The following ZNF385D variants were observed in gnomAD, a reference collection of about 807,000 sequenced individuals.
The protein encoded by ZNF385D is zinc finger protein 659.
In ZNF385D, 15 loss-of-function variants were observed where a neutral mutation model predicts 35.8. The observed-to-expected ratio is 0.42, with a 90% CI of 0.28 to 0.64. The LOEUF (loss-of-function observed/expected upper bound fraction) is 0.64, where lower values mean the gene tolerates loss of function less well. Ranked by LOEUF, ZNF385D falls within the 30% of genes least tolerant of loss-of-function variation. ZNF385D has a pLI of 0.23. For missense variants in ZNF385D, 474 were observed against 494.6 expected, an observed-to-expected ratio of 0.96 and a Z score of 0.39; for synonymous variants, 212 against 186.8, an observed-to-expected ratio of 1.13 and a Z score of -1.10.
chr3:22,061,728 T>C (rs1014557644), intron 3 of ZNF385D, among the ~76,000 whole-genome samples: 10 of 152,296 alleles, frequency 6.6e-5, no homozygotes, highest in African/African-American at 2.2e-4. Flanking sequence ...AAATATGTCT[T>C]TCCTTCCTCT....
chr3:22,027,466 T>A (rs1202263906), intron 3 of ZNF385D, among the ~76,000 whole-genome samples: 1 of 152,178 alleles, frequency 6.6e-6, no homozygotes, highest in Non-Finnish European at 1.5e-5. Context: ...TCCCCATTGA[T>A]GAATCACAGT....
intron 4 of ZNF385D, among the ~76,000 whole-genome samples, chr3:21,499,905 G>T (rs891880785): frequency 6.6e-6 from 1 of 152,148 alleles, no homozygotes; most frequent in Non-Finnish European, 1.5e-5. Flanking sequence ...CTACCCATGG[G>T]ATTAATATGC....
intron 2 of ZNF385D, among the ~76,000 whole-genome samples, chr3:22,310,959 T>TA (rs1703507473): frequency 6.6e-6 from 1 of 151,952 alleles, no homozygotes; most frequent in South Asian, 2.1e-4. Context: ...TATAAGTCAT[T>TA]AAATTTTATG....
intron 1 of ZNF385D, among the ~76,000 whole-genome samples, chr3:21,728,591 C>T (rs1460864513): frequency 6.6e-6 from 1 of 152,124 alleles, no homozygotes; most frequent in Non-Finnish European, 1.5e-5. Flanking sequence ...CTACAGTATA[C>T]ATCAGTTGCT....
Position 21,746,161 on chromosome 3 carries a change from A to T in ZNF385D, c.22+4734T>A, listed in dbSNP as rs13078866. 7.4e-3 allele frequency among the ~76,000 whole-genome samples: 1,126 copies of T among 152,316 alleles called. 4 individuals carry two copies. Among genetic ancestry groups the T allele is most frequent in the South Asian group, 0.018 (85 of 4,828 alleles). ...TCCGGAATGGAAGTCAGAAACCACT[A>T]ATTTAAATTTGTCATTTGTTTTTTG... On this transcript the variant is annotated intron_variant, in intron 1 of 7. Transcript: ENST00000281523.
chr3:22,107,532 A>G (rs966713998), intron 3 of ZNF385D, among the ~76,000 whole-genome samples: 1 of 152,156 alleles, frequency 6.6e-6, no homozygotes, highest in Non-Finnish European at 1.5e-5. Flanking sequence ...AAGACTTTAT[A>G]TGCAAGTAGG....
chr3:21,570,007 C>A (rs913940007), intron 2 of ZNF385D, among the ~76,000 whole-genome samples: 2 of 150,610 alleles, frequency 1.3e-5, no homozygotes, highest in South Asian at 4.2e-4. Flanking sequence ...TGTATACATA[C>A]GTAACTAACC....
At chr3:21,631,033 T>C (rs192868730) in intron 2 of ZNF385D, among the ~76,000 whole-genome samples, 3 of 152,274 alleles carry the variant, frequency 2.0e-5, no homozygotes, top group Admixed American at 2.0e-4. Flanking sequence ...TATGAGGGAA[T>C]GTTCTAAAAG....
intron 2 of ZNF385D, among the ~76,000 whole-genome samples, chr3:21,587,727 A>G (rs1410990395): frequency 6.6e-6 from 1 of 151,144 alleles, no homozygotes; most frequent in African/African-American, 2.5e-5. Context: ...TATGTAACAG[A>G]CTTTGAGTAA....
intron 2 of ZNF385D, among the ~76,000 whole-genome samples, chr3:22,219,731 C>A (rs1698137482): frequency 6.6e-6 from 1 of 152,028 alleles, no homozygotes; most frequent in African/African-American, 2.4e-5. Context: ...ATTTCTAATT[C>A]AAATATGTGA....
At chr3:21,827,421 C>T (rs1032446296) in intron 3 of ZNF385D, among the ~76,000 whole-genome samples, 3 of 152,120 alleles carry the variant, frequency 2.0e-5, no homozygotes, top group African/African-American at 7.2e-5. Flanking sequence ...TCTTAGCATC[C>T]TGACTCAAAG....
At chr3:21,638,397 G>T (rs1337845689) in intron 2 of ZNF385D, among the ~76,000 whole-genome samples, 3 of 152,032 alleles carry the variant, frequency 2.0e-5, no homozygotes, top group Non-Finnish European at 4.4e-5. Context: ...TTGGGAAGGT[G>T]TGCAACAAGC....
intron 3 of ZNF385D, among the ~76,000 whole-genome samples, chr3:22,144,572 CAAAAAAAAAA>C (rs10536394): frequency 4.4e-5 from 3 of 67,546 alleles, no homozygotes; most frequent in African/African-American, 1.2e-4. Flanking sequence ...GACTCCATTT[CAAAAAAAAAA>C]AAAAAAAAAA....
At chr3:22,338,157 A>G (rs1695255491) in intron 2 of ZNF385D, among the ~76,000 whole-genome samples, 1 of 152,200 alleles carries the variant, frequency 6.6e-6, no homozygotes, top group Admixed American at 6.5e-5. Flanking sequence ...GGTGACTATT[A>G]ATAGTAAAGA....
chr3:21,867,518 G>C (rs1697434265), intron 3 of ZNF385D, among the ~76,000 whole-genome samples: 1 of 152,092 alleles, frequency 6.6e-6, no homozygotes. Flanking sequence ...CAGTAATCAT[G>C]AAAATCATCT....
intron 2 of ZNF385D, among the ~76,000 whole-genome samples, chr3:22,267,638 AT>A (rs1162582269): frequency 5.3e-5 from 8 of 151,930 alleles, no homozygotes; most frequent in African/African-American, 1.9e-4. Context: ...CATTATTTTA[AT>A]TTTACCTACA....
intron 2 of ZNF385D, among the ~76,000 whole-genome samples, chr3:21,657,126 C>T (rs764026586): frequency 3.3e-5 from 5 of 151,712 alleles, no homozygotes; most frequent in Admixed American, 6.6e-5. Context: ...AATTAACATA[C>T]GCATAAATCA....
At chr3:21,572,955 T>G (rs1308024228) in intron 2 of ZNF385D, among the ~76,000 whole-genome samples, 1 of 152,168 alleles carries the variant, frequency 6.6e-6, no homozygotes, top group Non-Finnish European at 1.5e-5. Flanking sequence ...GACACTTTTT[T>G]TTTTACTCCA....
intron 2 of ZNF385D, among the ~76,000 whole-genome samples, chr3:22,298,390 GTGTGTA>G (rs1028995897): frequency 2.2e-4 from 31 of 142,436 alleles, no homozygotes; most frequent in African/African-American, 4.3e-4. Context: ...GTGTGTGTGT[GTGTGTA>G]TATATATGTA....
Sources: allele counts gnomAD v4.1 joint callset (sites outside exome capture counted in the v4.1 genomes callset), GRCh38; gene constraint gnomAD v4.1.1; transcripts MANE v1.5; gene names NCBI Gene and HGNC (gene_info 2026-07-23, HGNC 2026-07-21).